Variants in MARCHF7 observed in about 807,000 individuals in gnomAD.
MARCHF7 encodes E3 ubiquitin-protein ligase MARCHF7.
A neutral mutation model predicts 76.5 loss-of-function variants in MARCHF7; 20 were observed. The observed-to-expected ratio is 0.26, with a 90% CI of 0.18 to 0.38. The LOEUF is 0.38. MARCHF7 is among the 10% of genes least tolerant of loss of function. MARCHF7 has a pLI of 1.00. For missense variants in MARCHF7, 797 were observed against 812.9 expected (o/e 0.98, Z 0.24); for synonymous variants, 295 against 293.0 (o/e 1.01, Z -0.07).
intron 3 of MARCHF7, among the ~76,000 whole-genome samples, chr2:159,727,908 A>C (rs139820043): frequency 3.9e-5 from 6 of 152,336 alleles, no homozygotes; most frequent in Admixed American, 2.6e-4. Context: ...TTTAGTGAGG[A>C]AAACTTGGAA....
At chr2:159,738,545 T>A (rs918896261) in intron 4 of MARCHF7, among the ~76,000 whole-genome samples, 2 of 152,084 alleles carry the variant, frequency 1.3e-5, no homozygotes, top group Non-Finnish European at 2.9e-5. Context: ...AGACCCAAAG[T>A]GGGTGGCTCC....
intron 3 of MARCHF7, among the ~76,000 whole-genome samples, chr2:159,725,720 T>G (rs936757419): frequency 6.6e-6 from 1 of 152,198 alleles, no homozygotes; most frequent in East Asian, 1.9e-4. Flanking sequence ...TTATTGTTGT[T>G]TACTTTGGTC....
chr2:159,748,973 C>CTTTT lies in MARCHF7; in HGVS notation c.1613+71_1613+74dup, dbSNP rs1210018083. Reference sequence around the variant, plus strand: ...AAAGAACTCTTCATTTCTTTTTTTTCTTTTCTTTTTTTTTTTTTTTTTTGA... The same window carrying CTTTT: ...AAAGAACTCTTCATTTCTTTTTTTTCTTTTTTTTCTTTTTTTTTTTTTTTTTTGA... On this transcript the variant is annotated intron_variant, in intron 7 of 11. Transcript: ENST00000409175. 107 of 684,564 alleles carry CTTTT rather than the reference C, an allele frequency of 1.6e-4. 5 individuals are homozygous for CTTTT. The highest frequency in any genetic ancestry group is 5.7e-4 in the African/African-American group (20 of 35,008). 42.4% of individuals were successfully genotyped at this position (684,564 alleles called of 1,614,324 possible). A position where few individuals can be genotyped will look rare whatever the true frequency, so the allele number is the denominator to read the frequency against.
rs1707943018 is a variant in MARCHF7, at chr2:159,767,537, T to C, written c.*195T>C. On this transcript the variant is annotated 3_prime_UTR_variant, in exon 12 of 12. Transcript: ENST00000409175. ...GCTGAATTAAAATTCTGCTGGACTTTTTAACATAGCAAATCCGATGTTTAT... is the reference window on the plus strand; with the variant it reads ...GCTGAATTAAAATTCTGCTGGACTTCTTAACATAGCAAATCCGATGTTTAT... The C allele has an allele frequency of 1.8e-5, 8 of 445,020 alleles. No individual in the cohort carries two copies. The South Asian group carries it at 2.0e-4, about 11-fold the overall frequency. 27.6% of individuals were successfully genotyped at this position (445,020 alleles called of 1,614,324 possible). A position where few individuals can be genotyped will look rare whatever the true frequency, so the allele number is the denominator to read the frequency against.
At position 159,767,466 on chromosome 2, in the gene MARCHF7, TACATAC is replaced by T; in HGVS notation, c.*129_*134del. The T allele has an allele frequency of 8.0e-6, 5 of 627,652 alleles. No individual in the cohort carries two copies. The highest frequency in any genetic ancestry group is 1.4e-5 in the Non-Finnish European group (5 of 362,786). The allele number at this position is 627,652 out of a possible 1,614,324, so 38.9% of individuals were successfully genotyped here. ...ATTGACTATATATAAAATGAATATATACATACACATGTATGCCTGTATATATATATT... is the reference window on the plus strand; with the variant it reads ...ATTGACTATATATAAAATGAATATATACATGTATGCCTGTATATATATATT... On this transcript the variant is annotated 3_prime_UTR_variant, in exon 12 of 12. Transcript: ENST00000409175.
At chr2:159,762,712 TATAAAG>T (rs1485041407) in intron 9 of MARCHF7, among the ~76,000 whole-genome samples, 162 bp from the exon 10 acceptor site, 2 of 152,186 alleles carry the variant, frequency 1.3e-5, no homozygotes, top group Non-Finnish European at 2.9e-5. Flanking sequence ...TTTATGAAAT[TATAAAG>T]ATATTCTTTT....
rs1245037593 is a variant in MARCHF7 at position 159,729,181 on chromosome 2, A to G, written c.153+6A>G. ...GATTGGATTCTGAATATCAGGTAAC[A>G]TTTTTATTTGGAATATATGTATACA... On this transcript the variant is annotated splice_donor_region_variant and intron_variant, in intron 4 of 11. Coordinates refer to ENST00000409175, the MANE Select transcript of MARCHF7 (RefSeq NM_001282805.2). 6.3e-6 allele frequency: 10 copies of G among 1,585,000 alleles called. No homozygotes were observed. In the African/African-American group the frequency reaches 6.8e-5, roughly 11 times the overall value.
chr2:159,733,112 T>A (rs1703021723), intron 4 of MARCHF7: 1 of 659,754 alleles, frequency 1.5e-6, no homozygotes. Flanking sequence ...TATTATTTCC[T>A]GGCTTTACAT....
intron 4 of MARCHF7, among the ~76,000 whole-genome samples, chr2:159,742,645 A>G (rs977973403): frequency 5.3e-5 from 8 of 152,146 alleles, no homozygotes; most frequent in Non-Finnish European, 8.8e-5. Flanking sequence ...AACAAAGACT[A>G]AAGAAGAACT....
intron 4 of MARCHF7, among the ~76,000 whole-genome samples, chr2:159,736,955 T>C (rs1295987900): frequency 6.6e-6 from 1 of 152,224 alleles, no homozygotes; most frequent in African/African-American, 2.4e-5. Flanking sequence ...ATAATTCATA[T>C]ACCATACAAT....
intron 3 of MARCHF7, among the ~76,000 whole-genome samples, chr2:159,726,040 A>G (rs1702120915): frequency 6.6e-6 from 1 of 152,098 alleles, no homozygotes; most frequent in South Asian, 2.1e-4. Context: ...TATTCCTTAT[A>G]CTGACCCCAT....
intron 10 of MARCHF7, among the ~76,000 whole-genome samples, chr2:159,763,876 G>C (rs1425604689): frequency 6.6e-6 from 1 of 152,064 alleles, no homozygotes; most frequent in Non-Finnish European, 1.5e-5. Context: ...AATTACCATT[G>C]AAGAGCATTC....
At chr2:159,744,434 A>G (rs1466992359) in intron 5 of MARCHF7, among the ~76,000 whole-genome samples, 1 of 152,100 alleles carries the variant, frequency 6.6e-6, no homozygotes, top group Non-Finnish European at 1.5e-5. Context: ...TGAGACACAT[A>G]TTTTTCACAC....
At chr2:159,762,457 A>G (rs566817641) in intron 9 of MARCHF7, among the ~76,000 whole-genome samples, 2 of 152,320 alleles carry the variant, frequency 1.3e-5, no homozygotes, top group East Asian at 3.9e-4. Flanking sequence ...CTTTATGTTC[A>G]TCATATTACA....
At chr2:159,745,551 G>A (rs536509478) in intron 5 of MARCHF7, among the ~76,000 whole-genome samples, 16 of 152,288 alleles carry the variant, frequency 1.1e-4, no homozygotes, top group Admixed American at 2.6e-4. Flanking sequence ...AGATATTCAG[G>A]AGGCTGAGGC....
chr2:159,742,272 A>G (rs1311823481), intron 4 of MARCHF7, among the ~76,000 whole-genome samples: 1 of 151,542 alleles, frequency 6.6e-6, no homozygotes, highest in Non-Finnish European at 1.5e-5. Flanking sequence ...TTTTTAGCAT[A>G]CTGTTACTAG....
At position 159,768,900 on chromosome 2, in the gene MARCHF7, A is replaced by T. The variant is rs1708039174; in HGVS notation, c.*1558A>T. The T allele has an allele frequency of 6.6e-6, 1 of 152,212 alleles. No individual in the cohort carries two copies. The highest frequency in any genetic ancestry group is 2.4e-5 in the African/African-American group (1 of 41,470). 9.4% of individuals were successfully genotyped at this position (152,212 alleles called of 1,614,324 possible). On this transcript the variant is annotated 3_prime_UTR_variant, in exon 12 of 12. Coordinates refer to ENST00000409175, the MANE Select transcript of MARCHF7 (RefSeq NM_001282805.2). ...TTTAAAAAATTTAACTAGATGGTAC[A>T]AAACATTCATTGGTATGCACATAAT...
chr2:159,733,382 G>T (rs1283865002), intron 4 of MARCHF7: 2 of 447,618 alleles, frequency 4.5e-6, no homozygotes, highest in Non-Finnish European at 5.9e-6. Flanking sequence ...GAGAATACAG[G>T]TGTGCACACC....
At chr2:159,753,790 A>G (rs1705961653) in intron 8 of MARCHF7, among the ~76,000 whole-genome samples, 1 of 152,176 alleles carries the variant, frequency 6.6e-6, no homozygotes, top group South Asian at 2.1e-4. Flanking sequence ...GATGATTAAC[A>G]TGTAGCAGTG....
Sources: allele counts gnomAD v4.1 joint callset (sites outside exome capture counted in the v4.1 genomes callset), GRCh38; gene constraint gnomAD v4.1.1; transcripts MANE v1.5; gene names NCBI Gene and HGNC (gene_info 2026-07-23, HGNC 2026-07-21).